The following SAMD5 variants were observed in gnomAD, a reference collection of about 807,000 sequenced individuals.
SAMD5 encodes sterile alpha motif domain containing 5.
In SAMD5, 13 loss-of-function variants were observed where a neutral mutation model predicts 11.3. The observed-to-expected ratio is 1.15, with a 90% CI of 0.75 to 1.83. The LOEUF (loss-of-function observed/expected upper bound fraction) is 1.83, where lower values mean the gene tolerates loss of function less well. SAMD5 is among the 40% of genes most tolerant of loss of function. The pLI, the probability that SAMD5 is intolerant of heterozygous loss-of-function variation, is 0.00. For synonymous variants in SAMD5, 129 were observed against 111.3 expected (o/e 1.16, Z -1.00); for missense variants, 255 against 239.1 (o/e 1.07, Z -0.44).
intron 1 of SAMD5, among the ~76,000 whole-genome samples, chr6:147,694,807 C>T (rs1172308831): frequency 6.6e-6 from 1 of 152,138 alleles, no homozygotes; most frequent in Non-Finnish European, 1.5e-5. Context: ...CAGAGCAAAA[C>T]ACTGTTATAA....
At chr6:147,702,429 A>C (rs868638000) in intron 1 of SAMD5, among the ~76,000 whole-genome samples, 1 of 152,250 alleles carries the variant, frequency 6.6e-6, no homozygotes, top group Non-Finnish European at 1.5e-5. Flanking sequence ...CAAGCTCAGA[A>C]TAATAGATAA....
chr6:147,793,110 A>G, the SAMD5 span, among the ~76,000 whole-genome samples: 1 of 152,204 alleles, frequency 6.6e-6, no homozygotes, highest in Non-Finnish European at 1.5e-5. Context: ...TTGCAGAGAG[A>G]AACCTGACAA....
At chr6:147,770,207 G>A in the SAMD5 span, among the ~76,000 whole-genome samples, 2 of 152,002 alleles carry the variant, frequency 1.3e-5, no homozygotes, top group Non-Finnish European at 2.9e-5. Flanking sequence ...TGCCTTTTGA[G>A]GTTATCTTGG....
chr6:147,604,387 G>A (rs1789667397), intron 1 of SAMD5, among the ~76,000 whole-genome samples: 1 of 152,126 alleles, frequency 6.6e-6, no homozygotes, highest in South Asian at 2.1e-4. Context: ...AATGAGCTTT[G>A]AGGAAATTAT....
the SAMD5 span, among the ~76,000 whole-genome samples, chr6:147,921,081 A>C: frequency 6.6e-6 from 1 of 152,190 alleles, no homozygotes; most frequent in Admixed American, 6.5e-5. Context: ...TGAAGCAACT[A>C]TTCTGAACCA....
chr6:147,763,172 G>A, the SAMD5 span, among the ~76,000 whole-genome samples: 575 of 151,842 alleles, frequency 3.8e-3, 2 homozygotes, highest in African/African-American at 0.013. Flanking sequence ...TGGTTTGTTT[G>A]TTTTTGAGAC....
At chr6:147,696,738 C>T (rs1207808519) in intron 1 of SAMD5, among the ~76,000 whole-genome samples, 2 of 152,020 alleles carry the variant, frequency 1.3e-5, no homozygotes, top group South Asian at 2.1e-4. Flanking sequence ...TGCATCTCGG[C>T]GCCCACTTCA....
the SAMD5 span, among the ~76,000 whole-genome samples, chr6:147,865,759 G>T: frequency 6.6e-6 from 1 of 151,892 alleles, no homozygotes; most frequent in East Asian, 1.9e-4. Context: ...TAAGGCAAAA[G>T]GAAAAAGAAA....
chr6:147,923,801 G>A, the SAMD5 span, among the ~76,000 whole-genome samples: 1 of 152,224 alleles, frequency 6.6e-6, no homozygotes, highest in African/African-American at 2.4e-5. Flanking sequence ...CCTGATGGGA[G>A]GGGCTGGAGA....
At chr6:147,710,920 C>A (rs769915614) in intron 1 of SAMD5, among the ~76,000 whole-genome samples, 2 of 149,484 alleles carry the variant, frequency 1.3e-5, no homozygotes, top group Admixed American at 1.3e-4. Context: ...TATATATACA[C>A]TACCTAGCTA....
chr6:147,525,683 C>A (rs1788326628), intron 1 of SAMD5, among the ~76,000 whole-genome samples: 1 of 152,016 alleles, frequency 6.6e-6, no homozygotes, highest in Non-Finnish European at 1.5e-5. Flanking sequence ...GGGTTGGTTA[C>A]TATGTGAGCG....
intron 1 of SAMD5, among the ~76,000 whole-genome samples, chr6:147,680,078 T>C (rs1232685200): frequency 6.6e-6 from 1 of 152,112 alleles, no homozygotes; most frequent in African/African-American, 2.4e-5. Context: ...TTGGATTTTC[T>C]AGGTCCTTTG....
chr6:147,822,532 C>T, the SAMD5 span, among the ~76,000 whole-genome samples: 1 of 152,148 alleles, frequency 6.6e-6, no homozygotes, highest in Non-Finnish European at 1.5e-5. Flanking sequence ...AAATATGGTG[C>T]TCATGACCAT....
chr6:147,909,801 A>G, the SAMD5 span, among the ~76,000 whole-genome samples: 1 of 151,972 alleles, frequency 6.6e-6, no homozygotes. Context: ...TTTACTATCC[A>G]GCTCTTTAGA....
intron 1 of SAMD5, among the ~76,000 whole-genome samples, chr6:147,717,751 A>T (rs574825586): frequency 2.1e-3 from 323 of 152,202 alleles, no homozygotes; most frequent in Middle Eastern, 3.4e-3. Flanking sequence ...CTGAGGCAGG[A>T]AGAATTACTT....
chr6:147,781,764 TTG>T, the SAMD5 span, among the ~76,000 whole-genome samples: 13 of 109,182 alleles, frequency 1.2e-4, no homozygotes, highest in African/African-American at 3.5e-4. Context: ...TGTATATAAT[TTG>T]TGTGCGCACA....
chr6:147,603,277 A>G (rs1353322965), intron 1 of SAMD5, among the ~76,000 whole-genome samples: 1 of 152,182 alleles, frequency 6.6e-6, no homozygotes, highest in African/African-American at 2.4e-5. Flanking sequence ...CCACAGATAT[A>G]TTACCCAGTA....
the SAMD5 span, among the ~76,000 whole-genome samples, chr6:147,924,569 A>G: frequency 6.6e-6 from 1 of 152,154 alleles, no homozygotes; most frequent in Non-Finnish European, 1.5e-5. Context: ...ATTAACTTGA[A>G]CTAGCTTATT....
the SAMD5 span, among the ~76,000 whole-genome samples, chr6:147,786,670 C>T: frequency 1.3e-5 from 2 of 152,182 alleles, no homozygotes; most frequent in African/African-American, 4.8e-5. Flanking sequence ...ATATGGTTGA[C>T]ATGGTTTCAT....
Sources: gnomAD v4.1 joint callset for allele counts (sites outside exome capture counted in the v4.1 genomes callset) on GRCh38, gnomAD v4.1.1 for gene constraint, MANE v1.5 for transcripts, NCBI Gene and HGNC (gene_info 2026-07-23, HGNC 2026-07-21) for gene names.